Variants in SLC38A3 observed in about 807,000 individuals in gnomAD.
SLC38A3 encodes sodium-coupled neutral amino acid transporter 3.
In SLC38A3, 17 loss-of-function variants were observed where a neutral mutation model predicts 59.5. That is an observed-to-expected ratio of 0.29 (90% CI 0.20 to 0.43). SLC38A3 has a LOEUF of 0.43. SLC38A3 is among the 20% of genes least tolerant of loss of function. SLC38A3 has a pLI of 1.00. For missense variants in SLC38A3, 454 were observed against 653.9 expected (o/e 0.69, Z 3.33); for synonymous variants, 238 against 260.3 (o/e 0.91, Z 0.82).
At chr3:50,211,981 A>G (rs1175867973) in intron 1 of SLC38A3, among the ~76,000 whole-genome samples, 1 of 151,812 alleles carries the variant, frequency 6.6e-6, no homozygotes, top group Admixed American at 6.6e-5. Flanking sequence ...ATCTGGGGGG[A>G]TTTGTCTCTT....
intron 1 of SLC38A3, among the ~76,000 whole-genome samples, chr3:50,211,586 T>TC: frequency 1.4e-5 from 2 of 147,816 alleles, no homozygotes; most frequent in Non-Finnish European, 3.0e-5. Context: ...TTTTTTTTTT[T>TC]TTTTTTTTTC....
rs1252635517 is a variant in SLC38A3 at position 50,214,813 on chromosome 3, A to C, written c.299+45A>C. 1 of 1,319,088 alleles carries C rather than the reference A, an allele frequency of 7.6e-7. No individual in the cohort carries two copies. The allele number at this position is 1,319,088 out of a possible 1,614,324, so 81.7% of individuals were successfully genotyped here. A position where few individuals can be genotyped will look rare whatever the true frequency, so the allele number is the denominator to read the frequency against. On this transcript the variant is annotated intron_variant, in intron 4 of 15. Transcript: ENST00000614032. This position sits in a 1 kb window ranked among gnomAD's most constrained non-coding sequence, Gnocchi z 6.0. ...CTTCTAAAGATAGGGGCCCTAAGCA[A>C]GCCACCAATCATGACCTCCCAGGAC...
At position 50,220,082 on chromosome 3, in the gene SLC38A3, T is replaced by A. The variant is rs768850011; in HGVS notation, c.1420T>A (p.Phe474Ile). 6.2e-7 allele frequency: 1 copy of A among 1,606,182 alleles called. No individual in the cohort carries two copies. The change falls in exon 16 of 16, where the codon TTT becomes ATT. Residue 474 changes from phenylalanine to isoleucine, a missense_variant. Physicochemically the swap from Phe to Ile is conservative, Grantham distance 21. This residue lies in a region of SLC38A3 where 59 missense variants were observed against 70.8 expected (regional missense o/e 0.83). Transcript: ENST00000614032. ...RSTPKILALC[F>I]AMLGFLLMTM... Reference sequence around the variant, plus strand: ...ACTTCTGATTCCACAGGCCCTGTGTTTTGCTATGCTTGGCTTCTTGCTGAT... The same window carrying A: ...ACTTCTGATTCCACAGGCCCTGTGTATTGCTATGCTTGGCTTCTTGCTGAT...
chr3:50,216,783 T>TTGTTG (rs1699824985), intron 7 of SLC38A3, among the ~76,000 whole-genome samples: 1 of 152,070 alleles, frequency 6.6e-6, no homozygotes, highest in African/African-American at 2.4e-5. Flanking sequence ...TTGTTTTGTT[T>TTGTTG]TGTTTGTGAG....
chr3:50,217,177 C>A lies in SLC38A3; in HGVS notation c.549-61C>A. The A allele has an allele frequency of 1.7e-6, 2 of 1,169,884 alleles. No individual in the cohort carries two copies. Among genetic ancestry groups the A allele is most frequent in the Non-Finnish European group, 2.5e-6 (2 of 795,294 alleles). The allele number at this position is 1,169,884 out of a possible 1,614,324, so 72.5% of individuals were successfully genotyped here. On this transcript the variant is annotated intron_variant, in intron 7 of 15. Coordinates refer to ENST00000614032, the MANE Select transcript of SLC38A3 (RefSeq NM_006841.6). The surrounding 1 kb of genome is among the most constrained non-coding windows in gnomAD (Gnocchi z 4.9). ...CATTGGTAACTCCAGCAGAGGGAGG[C>A]AGGGGCCCCATCCCAGGCTGAATGG...
rs1699891458 is a variant in SLC38A3 at position 50,221,180 on chromosome 3, C to T, written c.*1003C>T. ...GACCCAGCTCTGGGCCTGGGCCAGG[C>T]TCAGCACAGACCTGCTTTCTCACGG... is the stretch of plus-strand genomic sequence containing the variant. On this transcript the variant is annotated 3_prime_UTR_variant, in exon 16 of 16. Transcript: ENST00000614032. 6.8e-6 allele frequency: 1 copy of T among 146,682 alleles called. No homozygotes were observed. The highest frequency in any genetic ancestry group is 1.5e-5 in the Non-Finnish European group (1 of 67,420). 9.1% of individuals were successfully genotyped at this position (146,682 alleles called of 1,614,324 possible). A position where few individuals can be genotyped will look rare whatever the true frequency, so the allele number is the denominator to read the frequency against.
intron 1 of SLC38A3, among the ~76,000 whole-genome samples, chr3:50,206,211 C>T (rs2109147191): frequency 6.6e-6 from 1 of 152,398 alleles, no homozygotes; most frequent in South Asian, 2.1e-4. Flanking sequence ...GGGACCCGCC[C>T]TTTTCCCCCC....
Position 50,217,537 on chromosome 3 carries a change from A to C in SLC38A3, c.690+64A>C, listed in dbSNP as rs779330512. ...GGGTCTCCTGGGGGAGTTCCCTGTCATCAGGAGGGGGCAGGTGTCTCTGGG... is the reference window on the plus strand; with the variant it reads ...GGGTCTCCTGGGGGAGTTCCCTGTCCTCAGGAGGGGGCAGGTGTCTCTGGG... On this transcript the variant is annotated intron_variant, in intron 9 of 15. Transcript: ENST00000614032. The surrounding 1 kb of genome is among the most constrained non-coding windows in gnomAD (Gnocchi z 4.9). The C allele has an allele frequency of 1.3e-5, 21 of 1,584,976 alleles. No individual in the cohort carries two copies. The highest frequency in any genetic ancestry group is 1.8e-5 in the Non-Finnish European group (21 of 1,159,690).
intron 1 of SLC38A3, among the ~76,000 whole-genome samples, chr3:50,213,743 AAGG>A (rs1454343068): frequency 6.6e-6 from 1 of 152,192 alleles, no homozygotes; most frequent in East Asian, 1.9e-4. Flanking sequence ...TATTGATGTC[AAGG>A]AGGAGAAGTC....
intron 7 of SLC38A3, among the ~76,000 whole-genome samples, chr3:50,216,840 T>A (rs1427621058): frequency 6.6e-6 from 1 of 152,234 alleles, no homozygotes; most frequent in Non-Finnish European, 1.5e-5. Flanking sequence ...TGGCACAATC[T>A]TGGCTCACTG....
At chr3:50,205,398 G>GAGCCCTACTGTC (rs1202434648) in intron 1 of SLC38A3, 50 bp downstream of exon 1, 1 of 152,294 alleles carries the variant, frequency 6.6e-6, no homozygotes, top group African/African-American at 2.4e-5. Flanking sequence ...CGGGTGGGCC[G>GAGCCCTACTGTC]AGCCCTACTG....
Position 50,214,447 on chromosome 3 carries a change from A to T in SLC38A3, c.147A>T (p.Leu49=), listed in dbSNP as rs1250005104. ...GCTGTATGGAGGGCAAGAGCTTCCTACAGAAAAGTCCCAGCAAGGAGCCAC... is the reference window on the plus strand; with the variant it reads ...GCTGTATGGAGGGCAAGAGCTTCCTTCAGAAAAGTCCCAGCAAGGAGCCAC... ...ARSCMEGKSF[L]QKSPSKEPHF... The change falls in exon 3 of 16, where the codon CTA becomes CTT. Residue 49 remains leucine (L), a synonymous_variant. Coordinates refer to ENST00000614032, the MANE Select transcript of SLC38A3 (RefSeq NM_006841.6). This position sits in a 1 kb window ranked among gnomAD's most constrained non-coding sequence, Gnocchi z 6.0. 6.3e-7 allele frequency: 1 copy of T among 1,574,866 alleles called. No homozygotes were observed. The highest frequency in any genetic ancestry group is 1.4e-5 in the African/African-American group (1 of 73,860).
At chr3:50,219,260 G>T (rs1194425215) in intron 14 of SLC38A3, among the ~76,000 whole-genome samples, 2 of 152,178 alleles carry the variant, frequency 1.3e-5, no homozygotes, top group Non-Finnish European at 2.9e-5. Context: ...TAAAGGAGCA[G>T]CAGGGCCACA....
chr3:50,211,339 C>A (rs1699724296), intron 1 of SLC38A3, among the ~76,000 whole-genome samples: 1 of 152,226 alleles, frequency 6.6e-6, no homozygotes, highest in Non-Finnish European at 1.5e-5. Flanking sequence ...TGCCCTGGAC[C>A]AAAGTCCAGA....
rs761140809 is a variant in SLC38A3, at chr3:50,218,702, C to G, written c.1146C>G (p.Pro382=). ...TGACAGCAGTCACGCTCACAGTGCC[C>G]ATCGTTCTGTTCCCGGTGAGCTGGT... is the stretch of plus-strand genomic sequence containing the variant. ...AVLTAVTLTV[P]IVLFPVRRAI... is the part of the protein sequence containing the mutation. Residue 382 remains proline, a synonymous_variant, in exon 13 of 16, where the codon CCC becomes CCG. Transcript: ENST00000614032. This position sits in a 1 kb window ranked among gnomAD's most constrained non-coding sequence, Gnocchi z 5.8. 6.2e-7 allele frequency: 1 copy of G among 1,610,990 alleles called. No homozygotes were observed.
At position 50,214,890 on chromosome 3, in the gene SLC38A3, C is replaced by G. The variant is rs1340701797; in HGVS notation, c.299+122C>G. ...GGCTGCAGTGGGTGGGCACTTCTTA[C>G]ACTAACAAACCGCGGCTGAAAAAAA... On this transcript the variant is annotated intron_variant, in intron 4 of 15. Transcript: ENST00000614032. The surrounding 1 kb of genome is among the most constrained non-coding windows in gnomAD (Gnocchi z 6.0). 2.9e-6 allele frequency: 2 copies of G among 693,986 alleles called. No homozygotes were observed. The highest frequency in any genetic ancestry group is 5.4e-5 in the Admixed American group (2 of 36,850). The allele number at this position is 693,986 out of a possible 1,614,324, so 43.0% of individuals were successfully genotyped here.
intron 1 of SLC38A3, among the ~76,000 whole-genome samples, chr3:50,208,828 A>G (rs953076224): frequency 2.0e-5 from 3 of 151,956 alleles, no homozygotes; most frequent in African/African-American, 7.3e-5. Flanking sequence ...GCATGGACGC[A>G]TGGAGCTAAT....
rs771785594 is a variant in SLC38A3, at chr3:50,214,396, C to T, written c.102-6C>T. 21 of 1,593,628 alleles carry T rather than the reference C, an allele frequency of 1.3e-5. No individual in the cohort carries two copies. The Admixed American group carries it at 3.6e-4, about 27-fold the overall frequency. ...CTGAGCCACCCACCCTGACCTGTGC[C>T]TACAGGGTCGAGGACCCTGCACGGA... On this transcript the variant is annotated splice_polypyrimidine_tract_variant and splice_region_variant and intron_variant, in intron 2 of 15. Transcript: ENST00000614032. This position sits in a 1 kb window ranked among gnomAD's most constrained non-coding sequence, Gnocchi z 6.0.
At chr3:50,210,988 C>A (rs573910816) in intron 1 of SLC38A3, among the ~76,000 whole-genome samples, 1 of 152,276 alleles carries the variant, frequency 6.6e-6, no homozygotes, top group East Asian at 1.9e-4. Context: ...TTTGACCAAG[C>A]CTCACGGGAC....
Sources: gnomAD v4.1 joint callset for allele counts (sites outside exome capture counted in the v4.1 genomes callset) on GRCh38, gnomAD v4.1.1 for gene constraint, gnomAD v4.1.1 regional missense constraint, Gnocchi (gnomAD v3.1) non-coding constraint, MANE v1.5 for transcripts, NCBI Gene and HGNC (gene_info 2026-07-23, HGNC 2026-07-21) for gene names.